Variants in FYN observed in about 807,000 individuals in gnomAD.
The protein encoded by FYN is tyrosine-protein kinase Fyn.
A neutral mutation model predicts 70.2 loss-of-function variants in FYN; 10 were observed. The observed-to-expected ratio is 0.14, with a 90% CI of 0.09 to 0.24. The LOEUF is 0.24. Ranked by LOEUF, FYN falls within the 10% of genes least tolerant of loss-of-function variation. The probability of loss-of-function intolerance (pLI) is 1.00; values close to 1 mark genes in which losing one functional copy is unlikely to be tolerated. For synonymous variants in FYN, 236 were observed against 248.6 expected (o/e 0.95, Z 0.48); for missense variants, 319 against 673.1 (o/e 0.47, Z 5.82).
intron 13 of FYN, among the ~76,000 whole-genome samples, chr6:111,673,227 C>A (rs990316879): frequency 3.9e-5 from 6 of 152,156 alleles, no homozygotes; most frequent in African/African-American, 1.4e-4. Flanking sequence ...CAGGGCGGCC[C>A]TTTCTTCTGT....
intron 6 of FYN, among the ~76,000 whole-genome samples, chr6:111,707,349 G>A (rs1001228114): frequency 6.6e-6 from 1 of 152,130 alleles, no homozygotes; most frequent in Non-Finnish European, 1.5e-5. Flanking sequence ...GAATAGTTGG[G>A]CCAAATAACT....
At chr6:111,802,375 C>T (rs1309395641) in intron 2 of FYN, among the ~76,000 whole-genome samples, 2 of 152,138 alleles carry the variant, frequency 1.3e-5, no homozygotes, top group Admixed American at 6.5e-5. Context: ...TCTTGTACAG[C>T]CTGTGGAACT....
chr6:111,858,956 G>A (rs1046234598), intron 1 of FYN, among the ~76,000 whole-genome samples: 16 of 151,574 alleles, frequency 1.1e-4, no homozygotes, highest in African/African-American at 3.6e-4. Context: ...ATGGCTTTCC[G>A]TTTCTTGAGT....
At chr6:111,825,962 TG>T (rs1772822198) in intron 2 of FYN, among the ~76,000 whole-genome samples, 1 of 152,202 alleles carries the variant, frequency 6.6e-6, no homozygotes, top group Non-Finnish European at 1.5e-5. Flanking sequence ...TGGGTGGGTC[TG>T]GATACATTAA....
At chr6:111,695,373 T>C (rs1481954203) in intron 10 of FYN, among the ~76,000 whole-genome samples, 1 of 152,184 alleles carries the variant, frequency 6.6e-6, no homozygotes, top group Non-Finnish European at 1.5e-5. Flanking sequence ...AGCCAAGCCT[T>C]AAATCAGACA....
chr6:111,682,699 C>T (rs1032576427), intron 12 of FYN, among the ~76,000 whole-genome samples: 1 of 152,162 alleles, frequency 6.6e-6, no homozygotes, highest in Non-Finnish European at 1.5e-5. Flanking sequence ...CCACTATGAT[C>T]ATTTAGGAAA....
Position 111,778,651 on chromosome 6 carries a change from C to A in FYN, c.-12+1915G>T, listed in dbSNP as rs564590514. On this transcript the variant is annotated intron_variant, in intron 3 of 13. Coordinates refer to ENST00000354650, the MANE Select transcript of FYN (RefSeq NM_002037.5). ...TGGCGTAGTCTTGGCTTACTGCAAC[C>A]TCTGCCTCCTGGGTTCCTATTTTTA... Among the ~76,000 whole-genome samples, 50 of 151,790 alleles carry A rather than the reference C, an allele frequency of 3.3e-4. 1 individual carries two copies. Among genetic ancestry groups the A allele is most frequent in the African/African-American group, 1.2e-3 (50 of 41,352 alleles).
intron 2 of FYN, among the ~76,000 whole-genome samples, chr6:111,786,375 C>A (rs954349992): frequency 1.3e-5 from 2 of 152,146 alleles, no homozygotes; most frequent in Admixed American, 1.3e-4. Flanking sequence ...CATGTCCCTA[C>A]AAAGGACATG....
chr6:111,799,853 C>T (rs898602648), intron 2 of FYN, among the ~76,000 whole-genome samples: 28 of 152,182 alleles, frequency 1.8e-4, no homozygotes, highest in African/African-American at 4.1e-4. Context: ...GTCCCGCACA[C>T]GCCAGCTCCC....
intron 1 of FYN, among the ~76,000 whole-genome samples, chr6:111,864,167 T>A (rs1192044179): frequency 6.6e-6 from 1 of 152,182 alleles, no homozygotes; most frequent in African/African-American, 2.4e-5. Flanking sequence ...AAAGGGCTGA[T>A]GTTTACTGTG....
At position 111,660,787 on chromosome 6, in the gene FYN, G is replaced by C. The variant is rs1419460375; in HGVS notation, c.*952C>G. ...TTTAGATCACTTAAATGTGGTTACA[G>C]GTTTATTAAATTAAAAATGTCTGAA... On this transcript the variant is annotated 3_prime_UTR_variant, in exon 14 of 14. Coordinates refer to ENST00000354650, the MANE Select transcript of FYN (RefSeq NM_002037.5). 1 of 152,106 alleles carries C rather than the reference G, an allele frequency of 6.6e-6. No homozygotes were observed. The highest frequency in any genetic ancestry group is 6.5e-5 in the Admixed American group (1 of 15,272). 9.4% of individuals were successfully genotyped at this position (152,106 alleles called of 1,614,324 possible). A position where few individuals can be genotyped will look rare whatever the true frequency, so the allele number is the denominator to read the frequency against.
chr6:111,803,838 A>G (rs1224916585), intron 2 of FYN, among the ~76,000 whole-genome samples: 1 of 152,218 alleles, frequency 6.6e-6, no homozygotes, highest in African/African-American at 2.4e-5. Flanking sequence ...ATCTGCGGAA[A>G]TGCACAGCTT....
At position 111,702,243 on chromosome 6, in the gene FYN, T is replaced by C. The variant is rs532731297; in HGVS notation, c.697+642A>G. Among the ~76,000 whole-genome samples, 621 of 152,334 alleles carry C rather than the reference T, an allele frequency of 4.1e-3. 1 individual carries two copies. Among genetic ancestry groups the C allele is most frequent in the African/African-American group, 0.014 (591 of 41,586 alleles). On this transcript the variant is annotated intron_variant, in intron 8 of 13. Transcript: ENST00000354650. ...TAAAACCAGTCTTTGATAAAATGTA[T>C]AAACTGCATATCTAATAATTATATG...
intron 3 of FYN, among the ~76,000 whole-genome samples, chr6:111,748,489 G>C (rs1034867666): frequency 6.6e-6 from 1 of 152,162 alleles, no homozygotes. Context: ...CATGCATGGC[G>C]TATCAAGAGC....
intron 12 of FYN, among the ~76,000 whole-genome samples, chr6:111,685,784 T>C (rs977368862): frequency 1.3e-5 from 2 of 152,110 alleles, no homozygotes; most frequent in African/African-American, 2.4e-5. Flanking sequence ...TGACCATTCA[T>C]AAACAACCAT....
Position 111,726,617 on chromosome 6 carries a change from T to C in FYN, c.-11-6555A>G, listed in dbSNP as rs184559122. Among the ~76,000 whole-genome samples the C allele has an allele frequency of 2.1e-4, 32 of 152,236 alleles. No homozygotes were observed. In the East Asian group the frequency reaches 5.8e-3, roughly 28 times the overall value. On this transcript the variant is annotated intron_variant, in intron 3 of 13. Coordinates refer to ENST00000354650, the MANE Select transcript of FYN (RefSeq NM_002037.5). ...TGACCATGGAATCCTGGCCAGTCCATGCAAGGGTGTGGGTGTGAGGGCTGG... is the reference window on the plus strand; with the variant it reads ...TGACCATGGAATCCTGGCCAGTCCACGCAAGGGTGTGGGTGTGAGGGCTGG...
chr6:111,775,696 C>G (rs1277946284), intron 3 of FYN, among the ~76,000 whole-genome samples: 3 of 152,202 alleles, frequency 2.0e-5, no homozygotes, highest in Non-Finnish European at 2.9e-5. Flanking sequence ...TAAGCACCGC[C>G]TGGAGAGGCT....
intron 2 of FYN, among the ~76,000 whole-genome samples, chr6:111,803,633 T>C (rs1015535327): frequency 3.3e-5 from 5 of 151,568 alleles, no homozygotes; most frequent in East Asian, 3.9e-4. Context: ...TCCTGGGGCA[T>C]GGGGGTGTGG....
At chr6:111,784,778 G>GA (rs1190869751) in intron 2 of FYN, among the ~76,000 whole-genome samples, 1 of 151,844 alleles carries the variant, frequency 6.6e-6, no homozygotes, top group African/African-American at 2.4e-5. Flanking sequence ...TGGGGAAAAG[G>GA]AAAAAAAATA....
Sources: gnomAD v4.1 joint callset for allele counts (sites outside exome capture counted in the v4.1 genomes callset) on GRCh38, gnomAD v4.1.1 for gene constraint, MANE v1.5 for transcripts, NCBI Gene and HGNC (gene_info 2026-07-23, HGNC 2026-07-21) for gene names.